Variants in CNTNAP2 observed in about 807,000 individuals in gnomAD.
The protein encoded by CNTNAP2 is contactin associated protein 2, also known as contactin-associated protein-like 2.
Under a neutral mutation model 155.2 loss-of-function variants are expected in CNTNAP2, and 98 were observed. The observed-to-expected ratio is 0.63, with a 90% CI of 0.54 to 0.75. The LOEUF (loss-of-function observed/expected upper bound fraction) is 0.75, where lower values mean the gene tolerates loss of function less well. Ranked by LOEUF, CNTNAP2 falls within the 30% of genes least tolerant of loss-of-function variation. The probability of loss-of-function intolerance (pLI) is 0.00; values close to 1 mark genes in which losing one functional copy is unlikely to be tolerated. For missense variants in CNTNAP2, 1,727 were observed against 1,688.1 expected (o/e 1.02, Z -0.40); for synonymous variants, 651 against 631.2 (o/e 1.03, Z -0.47).
intron 21 of CNTNAP2, among the ~76,000 whole-genome samples, chr7:148,325,812 C>T (rs1191114592): frequency 6.6e-6 from 1 of 152,172 alleles, no homozygotes; most frequent in Non-Finnish European, 1.5e-5. Flanking sequence ...CATCTACCCT[C>T]CTCCACACAG....
intron 10 of CNTNAP2, among the ~76,000 whole-genome samples, chr7:147,484,527 A>G (rs1395187296): frequency 6.6e-6 from 1 of 152,220 alleles, no homozygotes. Flanking sequence ...GGCTGTGAAT[A>G]CAGTCGTAGT....
intron 4 of CNTNAP2, among the ~76,000 whole-genome samples, chr7:147,091,021 G>T (rs927309276): frequency 2.0e-5 from 3 of 152,008 alleles, no homozygotes; most frequent in Admixed American, 6.5e-5. Flanking sequence ...CAGAATAAGA[G>T]ATGCTTAATT....
At chr7:147,766,776 G>A (rs1797389873) in intron 13 of CNTNAP2, among the ~76,000 whole-genome samples, 1 of 152,054 alleles carries the variant, frequency 6.6e-6, no homozygotes, top group Non-Finnish European at 1.5e-5. Flanking sequence ...AAGTTTGGTA[G>A]ATATTTTCCC....
intron 13 of CNTNAP2, among the ~76,000 whole-genome samples, chr7:147,774,467 G>T (rs1224197279): frequency 6.6e-6 from 1 of 152,160 alleles, no homozygotes; most frequent in African/African-American, 2.4e-5. Context: ...AATTGTTATG[G>T]ACTGAATGTT....
chr7:146,779,751 A>T (rs1359716247), intron 2 of CNTNAP2, among the ~76,000 whole-genome samples: 1 of 152,190 alleles, frequency 6.6e-6, no homozygotes, highest in Non-Finnish European at 1.5e-5. Flanking sequence ...AGAATGCGTC[A>T]TCTTCTCTAT....
chr7:146,282,590 A>G (rs1006735662), intron 1 of CNTNAP2, among the ~76,000 whole-genome samples: 41 of 152,210 alleles, frequency 2.7e-4, no homozygotes, highest in African/African-American at 9.9e-4. Context: ...GTCCTAGAGT[A>G]ACATATGTTT....
chr7:148,267,480 C>T (rs1438040941), intron 21 of CNTNAP2, among the ~76,000 whole-genome samples: 1 of 151,830 alleles, frequency 6.6e-6, no homozygotes, highest in Non-Finnish European at 1.5e-5. Context: ...CATGGCAAAA[C>T]CCCGTCTCTA....
At chr7:147,379,510 G>A (rs1248344268) in intron 9 of CNTNAP2, among the ~76,000 whole-genome samples, 1 of 151,970 alleles carries the variant, frequency 6.6e-6, no homozygotes, top group Non-Finnish European at 1.5e-5. Flanking sequence ...AAAGATACCA[G>A]CTTGGAACCA....
intron 18 of CNTNAP2, among the ~76,000 whole-genome samples, chr7:148,179,224 G>T (rs1385358053): frequency 2.6e-5 from 4 of 152,136 alleles, no homozygotes; most frequent in Non-Finnish European, 5.9e-5. Flanking sequence ...AGAAAGCGCT[G>T]ATTAGCCAGG....
chr7:148,352,317 A>G (rs1441369229), intron 21 of CNTNAP2, among the ~76,000 whole-genome samples: 1 of 152,252 alleles, frequency 6.6e-6, no homozygotes, highest in Non-Finnish European at 1.5e-5. Flanking sequence ...GAGCAAGGCA[A>G]GGTGGACTCA....
intron 12 of CNTNAP2, among the ~76,000 whole-genome samples, chr7:147,596,314 A>G (rs1048168145): frequency 6.6e-6 from 1 of 152,150 alleles, no homozygotes; most frequent in African/African-American, 2.4e-5. Context: ...TCTGTCAAAT[A>G]TATGTTAAAC....
At chr7:148,172,550 T>C in intron 18 of CNTNAP2, 72 bp downstream of exon 18, 5 of 1,299,016 alleles carry the variant, frequency 3.8e-6, no homozygotes, top group Non-Finnish European at 5.6e-6. Flanking sequence ...TTAATGATTT[T>C]TCATATGTAA....
intron 1 of CNTNAP2, among the ~76,000 whole-genome samples, chr7:146,768,418 C>G (rs1008165653): frequency 1.3e-5 from 2 of 151,650 alleles, no homozygotes; most frequent in African/African-American, 4.8e-5. Flanking sequence ...TGTGTGCCCC[C>G]CCACATTTCT....
intron 1 of CNTNAP2, among the ~76,000 whole-genome samples, chr7:146,409,430 A>T (rs1236378192): frequency 6.6e-6 from 1 of 152,236 alleles, no homozygotes; most frequent in African/African-American, 2.4e-5. Context: ...AATGTTTATT[A>T]GTTGGAAATG....
intron 21 of CNTNAP2, among the ~76,000 whole-genome samples, chr7:148,299,509 C>T (rs991770680): frequency 9.2e-5 from 14 of 152,180 alleles, no homozygotes; most frequent in African/African-American, 3.1e-4. Context: ...CCAATGACCA[C>T]GTGTTTCTAG....
chr7:146,370,386 C>T (rs934447113), intron 1 of CNTNAP2, among the ~76,000 whole-genome samples: 2 of 150,800 alleles, frequency 1.3e-5, no homozygotes, highest in Admixed American at 6.6e-5. Flanking sequence ...TGCAGTGAGC[C>T]GAAATTATGC....
At chr7:146,845,908 A>G (rs979949910) in intron 3 of CNTNAP2, among the ~76,000 whole-genome samples, 1 of 152,142 alleles carries the variant, frequency 6.6e-6, no homozygotes, top group African/African-American at 2.4e-5. Context: ...ATTTAAGGGG[A>G]CACTGTTTAG....
chr7:147,015,846 T>C (rs1228958914), intron 3 of CNTNAP2, among the ~76,000 whole-genome samples: 1 of 152,078 alleles, frequency 6.6e-6, no homozygotes, highest in Non-Finnish European at 1.5e-5. Flanking sequence ...CATTGGCACA[T>C]GGCTCCCAGG....
At chr7:147,422,135 A>ATATATATATAGTATGTATATATACAG (rs1193420339) in intron 10 of CNTNAP2, among the ~76,000 whole-genome samples, 29 of 142,346 alleles carry the variant, frequency 2.0e-4, no homozygotes, top group Admixed American at 6.3e-4. Context: ...TATATACAGT[A>ATATATATATAGTATGTATATATACAG]TATATATATA....
Sources: gnomAD v4.1 joint callset for allele counts (sites outside exome capture counted in the v4.1 genomes callset) on GRCh38, gnomAD v4.1.1 for gene constraint, MANE v1.5 for transcripts, NCBI Gene and HGNC (gene_info 2026-07-23, HGNC 2026-07-21) for gene names.